Variants in AHDC1 observed in about 807,000 individuals in gnomAD.
The protein encoded by AHDC1 is AT-hook DNA binding motif containing 1, also known as transcription factor Gibbin.
A neutral mutation model predicts 87.9 loss-of-function variants in AHDC1; 7 were observed. The ratio of observed to expected loss-of-function variants is 0.08; its 90% CI spans 0.05 to 0.15. The LOEUF is 0.15. AHDC1 is among the 10% of genes least tolerant of loss of function. The pLI, the probability that AHDC1 is intolerant of heterozygous loss-of-function variation, is 1.00. For missense variants in AHDC1, 1,841 were observed against 2,253.2 expected, an observed-to-expected ratio of 0.82 and a Z score of 3.70; for synonymous variants, 1,051 against 1,006.8, an observed-to-expected ratio of 1.04 and a Z score of -0.83.
chr1:27,574,373 T>TC (rs1396835381), intron 3 of AHDC1, among the ~76,000 whole-genome samples: 1 of 150,252 alleles, frequency 6.7e-6, no homozygotes, highest in Non-Finnish European at 1.5e-5. Context: ...CGGGTGCCCT[T>TC]CATTTCCCAC....
intron 3 of AHDC1, among the ~76,000 whole-genome samples, chr1:27,581,662 C>T (rs1191259720): frequency 6.6e-6 from 1 of 152,220 alleles, no homozygotes. Flanking sequence ...CTCCAGTCAC[C>T]TCCTCTGAAT....
At chr1:27,577,763 C>T (rs1480833320) in intron 3 of AHDC1, among the ~76,000 whole-genome samples, 1 of 152,226 alleles carries the variant, frequency 6.6e-6, no homozygotes. Context: ...AGCTGCCACC[C>T]TGCTCCCCTC....
chr1:27,562,233 G>A lies in AHDC1; in HGVS notation c.-628-3350C>T, dbSNP rs938188551. 6.6e-6 allele frequency among the ~76,000 whole-genome samples: 1 copy of A among 152,064 alleles called. No homozygotes were observed. Among genetic ancestry groups the A allele is most frequent in the Non-Finnish European group, 1.5e-5 (1 of 67,982 alleles). Reference sequence around the variant, plus strand: ...CTGGCTCGGCGGGGGCGGCCAGTGCGCCAAGCCTCCCGCCTCCTGACCCCC... The same window carrying A: ...CTGGCTCGGCGGGGGCGGCCAGTGCACCAAGCCTCCCGCCTCCTGACCCCC... On this transcript the variant is annotated intron_variant, in intron 3 of 8. Coordinates refer to ENST00000673934, the MANE Select transcript of AHDC1 (RefSeq NM_001371928.1). This position sits in a 1 kb window ranked among gnomAD's most constrained non-coding sequence, Gnocchi z 4.4.
At position 27,562,778 on chromosome 1, in the gene AHDC1, TAG is replaced by T. The variant is rs2020150535; in HGVS notation, c.-628-3897_-628-3896del. Among the ~76,000 whole-genome samples, 1 of 152,082 alleles carries T rather than the reference TAG, an allele frequency of 6.6e-6. No individual in the cohort carries two copies. Among genetic ancestry groups the T allele is most frequent in the Non-Finnish European group, 1.5e-5 (1 of 68,008 alleles). On this transcript the variant is annotated intron_variant, in intron 3 of 8. Coordinates refer to ENST00000673934, the MANE Select transcript of AHDC1 (RefSeq NM_001371928.1). This position sits in a 1 kb window ranked among gnomAD's most constrained non-coding sequence, Gnocchi z 4.4. ...ATCACCAGAAAACATGTCGTCTCTTTAGAGTGAGACACGAGCTCCCAAGTTAC... is the reference window on the plus strand; with the variant it reads ...ATCACCAGAAAACATGTCGTCTCTTTAGTGAGACACGAGCTCCCAAGTTAC...
In AHDC1 at chr1:27,593,402, C is replaced by G. The variant is rs1282956129; in HGVS notation, c.-629+9995G>C. 6.6e-6 allele frequency among the ~76,000 whole-genome samples: 1 copy of G among 152,220 alleles called. No homozygotes were observed. On this transcript the variant is annotated intron_variant, in intron 3 of 8. Coordinates refer to ENST00000673934, the MANE Select transcript of AHDC1 (RefSeq NM_001371928.1). The surrounding 1 kb of genome is among the most constrained non-coding windows in gnomAD (Gnocchi z 4.9). Reference sequence around the variant, plus strand: ...GTCTACCGCAGTGTGCCCACTGCTGCCGCCACCACTACCCCCAGGCAGGCT... The same window carrying G: ...GTCTACCGCAGTGTGCCCACTGCTGGCGCCACCACTACCCCCAGGCAGGCT...
intron 3 of AHDC1, among the ~76,000 whole-genome samples, chr1:27,570,619 C>T (rs567752569): frequency 5.9e-5 from 9 of 152,240 alleles, no homozygotes; most frequent in African/African-American, 2.2e-4. Flanking sequence ...CCTGAGCTGC[C>T]CTGCATGTCA....
Position 27,534,647 on chromosome 1 carries a change from G to GCTCT in AHDC1, c.*309_*312dup, listed in dbSNP as rs371763519. 1 of 150,782 alleles carries GCTCT rather than the reference G, an allele frequency of 6.6e-6. No homozygotes were observed. Among genetic ancestry groups the GCTCT allele is most frequent in the Non-Finnish European group, 1.5e-5 (1 of 67,640 alleles). The allele number at this position is 150,782 out of a possible 1,614,324, so 9.3% of individuals were successfully genotyped here. On this transcript the variant is annotated 3_prime_UTR_variant, in exon 9 of 9. Transcript: ENST00000673934. ...ACCTCTTGCACACGCTCGCTCTCTCGCTCTCTCTCTCTCTTTTTTTTTTTT... is the reference window on the plus strand; with the variant it reads ...ACCTCTTGCACACGCTCGCTCTCTCGCTCTCTCTCTCTCTCTCTTTTTTTTTTTT...
At chr1:27,586,129 C>T (rs2148455100) in intron 3 of AHDC1, among the ~76,000 whole-genome samples, 1 of 152,332 alleles carries the variant, frequency 6.6e-6, no homozygotes, top group Non-Finnish European at 1.5e-5. Context: ...GGTGCCTAAG[C>T]GCCATCCAAG....
At chr1:27,535,600 C>A (rs565089924) in intron 8 of AHDC1, among the ~76,000 whole-genome samples, 1 of 152,108 alleles carries the variant, frequency 6.6e-6, no homozygotes, top group Admixed American at 6.5e-5. Flanking sequence ...CCTCTTCTTA[C>A]CAATGCCATT....
intron 8 of AHDC1, among the ~76,000 whole-genome samples, chr1:27,537,553 GCCTTGCACA>G (rs2018699985): frequency 6.6e-6 from 1 of 152,152 alleles, no homozygotes; most frequent in Non-Finnish European, 1.5e-5. Context: ...TCCAGCTCCG[GCCTTGCACA>G]CCTTCAGAAC....
Position 27,549,060 on chromosome 1 carries a change from C to A in AHDC1, c.3056G>T (p.Gly1019Val). 2 of 1,571,406 alleles carry A rather than the reference C, an allele frequency of 1.3e-6. No individual in the cohort carries two copies. The highest frequency in any genetic ancestry group is 8.6e-7 in the Non-Finnish European group (1 of 1,158,190). The change falls in exon 8 of 9, where the codon GGC (glycine) becomes GTC (valine). Residue 1019 changes from glycine to valine, a missense_variant. Gly to Val is a moderately radical substitution (Grantham distance 109). This residue lies in a region of AHDC1 where 378 missense variants were observed against 399.0 expected (regional missense o/e 0.95). Coordinates refer to ENST00000673934, the MANE Select transcript of AHDC1 (RefSeq NM_001371928.1). ...PASPSSAHSAGYAPPPTGGPC... is the reference protein window; with the variant it reads ...PASPSSAHSAVYAPPPTGGPC... ...GCCCCCGGTAGGCGGTGGGGCATAG[C>A]CGGCGCTGTGGGCGCTGCTGGGTGA...
At chr1:27,592,698 ACTCGGTTG>A (rs2089259741) in intron 3 of AHDC1, among the ~76,000 whole-genome samples, 1 of 151,922 alleles carries the variant, frequency 6.6e-6, no homozygotes. Flanking sequence ...ACCCCTCTGG[ACTCGGTTG>A]CTCCATCTGC....
In AHDC1 at chr1:27,603,757, C is replaced by T. The variant is rs2089608758; in HGVS notation, c.-756G>A. On this transcript the variant is annotated 5_prime_UTR_variant, in exon 2 of 9. Transcript: ENST00000673934. ...GAGGGAACGCGCCCCGCGTAGTCCT[C>T]CTGCTCCTCCTCCTCCGCCCTCCTC... 1 of 149,888 alleles carries T rather than the reference C, an allele frequency of 6.7e-6. No individual in the cohort carries two copies. The highest frequency in any genetic ancestry group is 2.5e-5 in the African/African-American group (1 of 40,628). The allele number at this position is 149,888 out of a possible 1,614,324, so 9.3% of individuals were successfully genotyped here.
rs1203769857 is a variant in AHDC1 at position 27,561,866 on chromosome 1, T to A, written c.-628-2983A>T. On this transcript the variant is annotated intron_variant, in intron 3 of 8. Transcript: ENST00000673934. This position sits in a 1 kb window ranked among gnomAD's most constrained non-coding sequence, Gnocchi z 4.2. The stretch of plus-strand genomic sequence containing the variant: ...CACAAAAGCAGAGACGGACTGGTGA[T>A]GAGGGGCTCATGGAAGAAGGGAGAT... Among the ~76,000 whole-genome samples the A allele has an allele frequency of 6.6e-6, 1 of 151,684 alleles. No homozygotes were observed. Among genetic ancestry groups the A allele is most frequent in the African/African-American group, 2.4e-5 (1 of 41,246 alleles).
intron 3 of AHDC1, among the ~76,000 whole-genome samples, chr1:27,592,649 GA>G (rs2089258449): frequency 6.6e-6 from 1 of 151,988 alleles, no homozygotes; most frequent in Non-Finnish European, 1.5e-5. Flanking sequence ...GGGCAGGAAG[GA>G]GGGGGCTCCC....
chr1:27,553,620 T>C (rs1333392013), intron 5 of AHDC1: 1 of 152,052 alleles, frequency 6.6e-6, no homozygotes, highest in Non-Finnish European at 1.5e-5. Flanking sequence ...CAGACAAACA[T>C]GAGATCAATA....
Position 27,562,950 on chromosome 1 carries a change from C to T in AHDC1, c.-628-4067G>A, listed in dbSNP as rs548685878. On this transcript the variant is annotated intron_variant, in intron 3 of 8. Coordinates refer to ENST00000673934, the MANE Select transcript of AHDC1 (RefSeq NM_001371928.1). The surrounding 1 kb of genome is among the most constrained non-coding windows in gnomAD (Gnocchi z 4.4). ...AACCCTCCTAACGGGATGAACTAAG[C>T]ACATAACCTGTCGCTTCCTCCAAAC... 2.0e-5 allele frequency among the ~76,000 whole-genome samples: 3 copies of T among 152,260 alleles called. No individual in the cohort carries two copies. The highest frequency in any genetic ancestry group is 4.1e-4 in the South Asian group (2 of 4,822).
At position 27,549,271 on chromosome 1, in the gene AHDC1, G is replaced by T; in HGVS notation, c.2845C>A (p.Pro949Thr). 1 of 1,603,478 alleles carries T rather than the reference G, an allele frequency of 6.2e-7. No homozygotes were observed. Among genetic ancestry groups the T allele is most frequent in the African/African-American group, 1.3e-5 (1 of 74,910 alleles). The change falls in exon 8 of 9, where the codon CCC becomes ACC. Residue 949 changes from proline to threonine, a missense_variant. Coordinates refer to ENST00000673934, the MANE Select transcript of AHDC1 (RefSeq NM_001371928.1). Reference protein sequence around the residue: ...RAAETFPKLVPPPSAMARSPT... With the variant: ...RAAETFPKLVTPPSAMARSPT... ...GAGCGGGCCATGGCTGAGGGCGGGG[G>T]CACCAGCTTGGGGAAGGTCTCGGCT...
chr1:27,572,543 C>T (rs1425992359), intron 3 of AHDC1, among the ~76,000 whole-genome samples: 1 of 152,226 alleles, frequency 6.6e-6, no homozygotes, highest in Admixed American at 6.5e-5. Flanking sequence ...CACACATGCA[C>T]TGTTCAGAGG....
Sources: allele counts gnomAD v4.1 joint callset (sites outside exome capture counted in the v4.1 genomes callset), GRCh38; gene constraint gnomAD v4.1.1; regional missense constraint gnomAD v4.1.1; non-coding constraint Gnocchi (gnomAD v3.1); transcripts MANE v1.5; gene names NCBI Gene and HGNC (gene_info 2026-07-23, HGNC 2026-07-21).